TP63: variants seen among roughly 807,000 people sequenced by gnomAD.
The protein encoded by TP63 is tumor protein 63.
In TP63, 17 loss-of-function variants were observed where a neutral mutation model predicts 82.8. The observed-to-expected ratio is 0.21, with a 90% CI of 0.14 to 0.31. TP63 has a LOEUF of 0.31. Among genes scored for constraint, TP63 ranks in the 10% least tolerant of loss-of-function variants. The pLI is 1.00. For missense variants in TP63, 648 were observed against 895.3 expected, an observed-to-expected ratio of 0.72 and a Z score of 3.52; for synonymous variants, 330 against 321.7, an observed-to-expected ratio of 1.03 and a Z score of -0.28.
rs542341888 is a variant in TP63, at chr3:189,765,407, G to A, written c.324+26633G>A. Among the ~76,000 whole-genome samples the A allele has an allele frequency of 2.4e-4, 31 of 130,196 alleles. No individual in the cohort carries two copies. In the South Asian group the frequency reaches 7.6e-3, roughly 32 times the overall value. 85.4% of individuals were successfully genotyped at this position (130,196 alleles called of 152,430 possible). A position where few individuals can be genotyped will look rare whatever the true frequency, so the allele number is the denominator to read the frequency against. On this transcript the variant is annotated intron_variant, in intron 3 of 13. Coordinates refer to ENST00000264731, the MANE Select transcript of TP63 (RefSeq NM_003722.5). ...AAGGAAAATTGGGGTTTTCAATTTG[G>A]GGCTTTGTAAATATCCTGTCCTCTG...
At chr3:189,811,133 G>A (rs1034735873) in intron 4 of TP63, among the ~76,000 whole-genome samples, 5 of 152,170 alleles carry the variant, frequency 3.3e-5, no homozygotes, top group Non-Finnish European at 7.3e-5. Context: ...TTATGGTCTT[G>A]ATCATTTATG....
chr3:189,606,803 G>A, the TP63 span, among the ~76,000 whole-genome samples: 6 of 152,040 alleles, frequency 3.9e-5, no homozygotes, highest in Non-Finnish European at 5.9e-5. Flanking sequence ...GCACCACCGC[G>A]ACGGGCCAAC....
At chr3:189,868,478 C>T (rs1445730509) in intron 7 of TP63, 102 bp from the exon 8 acceptor site, 7 of 1,530,890 alleles carry the variant, frequency 4.6e-6, no homozygotes, top group East Asian at 2.4e-5. Flanking sequence ...GCTGGTAGTA[C>T]GTTGGCGATG....
chr3:189,879,032 T>G (rs966307756), intron 10 of TP63, among the ~76,000 whole-genome samples: 1 of 152,226 alleles, frequency 6.6e-6, no homozygotes, highest in Non-Finnish European at 1.5e-5. Flanking sequence ...TAAACTCAGA[T>G]AGATTAAATT....
intron 1 of TP63, among the ~76,000 whole-genome samples, chr3:189,687,797 G>T (rs1402110090): frequency 6.6e-6 from 1 of 152,152 alleles, no homozygotes; most frequent in African/African-American, 2.4e-5. Context: ...AACATCTTGA[G>T]AGAAGAAATA....
intron 3 of TP63, among the ~76,000 whole-genome samples, chr3:189,802,154 G>A (rs908713008): frequency 6.6e-6 from 1 of 152,186 alleles, no homozygotes; most frequent in Non-Finnish European, 1.5e-5. Context: ...AGTGCTTGTT[G>A]AAAAGTCACT....
At chr3:189,842,113 G>A (rs764759125) in intron 4 of TP63, among the ~76,000 whole-genome samples, 9 of 152,116 alleles carry the variant, frequency 5.9e-5, no homozygotes, top group African/African-American at 9.7e-5. Context: ...GGAGGATAAT[G>A]TTTTCTCTAC....
At chr3:189,714,363 A>G (rs1458254241) in intron 1 of TP63, among the ~76,000 whole-genome samples, 1 of 152,238 alleles carries the variant, frequency 6.6e-6, no homozygotes, top group Non-Finnish European at 1.5e-5. Flanking sequence ...TCCAGAAATT[A>G]TCCCATCACA....
chr3:189,743,723 T>A (rs192202541), intron 3 of TP63, among the ~76,000 whole-genome samples: 1 of 152,200 alleles, frequency 6.6e-6, no homozygotes, highest in East Asian at 1.9e-4. Flanking sequence ...ATAGATTATC[T>A]AAGGGAAAAA....
intron 1 of TP63, among the ~76,000 whole-genome samples, chr3:189,721,137 G>T (rs888111642): frequency 6.6e-6 from 1 of 152,190 alleles, no homozygotes; most frequent in Non-Finnish European, 1.5e-5. Context: ...TAGGAAGTTT[G>T]AAGAAGTCTT....
intron 9 of TP63, among the ~76,000 whole-genome samples, chr3:189,870,923 G>A (rs1431870564): frequency 6.6e-6 from 1 of 152,020 alleles, no homozygotes; most frequent in African/African-American, 2.4e-5. Flanking sequence ...ATCTTCTTTG[G>A]GTCCTGACTC....
intron 3 of TP63, among the ~76,000 whole-genome samples, chr3:189,742,051 C>T (rs982577265): frequency 5.3e-5 from 8 of 151,666 alleles, no homozygotes; most frequent in Non-Finnish European, 4.4e-5. Context: ...AAGACCAGCC[C>T]GGCCAACATG....
chr3:189,750,633 C>T (rs1049089372), intron 3 of TP63, among the ~76,000 whole-genome samples: 1 of 151,810 alleles, frequency 6.6e-6, no homozygotes, highest in Admixed American at 6.6e-5. Flanking sequence ...ATTGAGGATC[C>T]AAAAAGGTAA....
chr3:189,877,052 G>C (rs1719311687), intron 10 of TP63, among the ~76,000 whole-genome samples: 1 of 152,086 alleles, frequency 6.6e-6, no homozygotes, highest in African/African-American at 2.4e-5. Flanking sequence ...TCTTCTGCCT[G>C]CTTTTCATTT....
At chr3:189,609,000 A>C in the TP63 span, among the ~76,000 whole-genome samples, 1 of 152,126 alleles carries the variant, frequency 6.6e-6, no homozygotes, top group African/African-American at 2.4e-5. Flanking sequence ...CTGTAGTTTC[A>C]TACAATGAAT....
At chr3:189,700,817 A>G (rs1320280447) in intron 1 of TP63, among the ~76,000 whole-genome samples, 1 of 152,198 alleles carries the variant, frequency 6.6e-6, no homozygotes, top group Non-Finnish European at 1.5e-5. Context: ...ACATCCTCTG[A>G]ATATTCCAGG....
chr3:189,733,725 A>C (rs1393804983), intron 1 of TP63, among the ~76,000 whole-genome samples: 3 of 152,244 alleles, frequency 2.0e-5, no homozygotes, highest in Non-Finnish European at 4.4e-5. Context: ...AAACATATTC[A>C]AAAGTGTCAT....
intron 1 of TP63, among the ~76,000 whole-genome samples, chr3:189,661,486 T>G (rs542702192): frequency 6.6e-5 from 10 of 152,262 alleles, no homozygotes; most frequent in African/African-American, 1.2e-4. Flanking sequence ...GGTATTTTGT[T>G]GAGGATTTTT....
At chr3:189,850,026 T>A (rs1024538527) in intron 4 of TP63, among the ~76,000 whole-genome samples, 1 of 152,148 alleles carries the variant, frequency 6.6e-6, no homozygotes, top group African/African-American at 2.4e-5. Context: ...TGCCCTATAA[T>A]CCGAGTACTT....
Sources: allele counts gnomAD v4.1 joint callset (sites outside exome capture counted in the v4.1 genomes callset), GRCh38; gene constraint gnomAD v4.1.1; transcripts MANE v1.5; gene names NCBI Gene and HGNC (gene_info 2026-07-23, HGNC 2026-07-21).